Variants in PDE4D observed in about 807,000 individuals in gnomAD.
PDE4D encodes the protein phosphodiesterase 4D.
A neutral mutation model predicts 87.4 loss-of-function variants in PDE4D; 24 were observed. The ratio of observed to expected loss-of-function variants is 0.27; its 90% CI spans 0.20 to 0.39. The LOEUF (loss-of-function observed/expected upper bound fraction) is 0.39, where lower values mean the gene tolerates loss of function less well. Among genes scored for constraint, PDE4D ranks in the 10% least tolerant of loss-of-function variants. The pLI, the probability that PDE4D is intolerant of heterozygous loss-of-function variation, is 1.00. For synonymous variants in PDE4D, 384 were observed against 383.2 expected, an observed-to-expected ratio of 1.00 and a Z score of -0.02; for missense variants, 714 against 1,041.0, an observed-to-expected ratio of 0.69 and a Z score of 4.32.
chr5:59,144,903 G>GGT (rs1778399213), intron 5 of PDE4D, among the ~76,000 whole-genome samples: 2 of 131,008 alleles, frequency 1.5e-5, no homozygotes, highest in Admixed American at 1.6e-4. Flanking sequence ...GGGGGGGGGG[G>GGT]GGAACCATCC....
At chr5:60,023,918 T>C (rs1303610243) in intron 2 of PDE4D, among the ~76,000 whole-genome samples, 2 of 152,170 alleles carry the variant, frequency 1.3e-5, no homozygotes, top group Non-Finnish European at 2.9e-5. Context: ...TTCCCAACCA[T>C]AGGGCTAGTA....
chr5:59,573,103 A>G (rs535329837), intron 1 of PDE4D, among the ~76,000 whole-genome samples: 72 of 152,286 alleles, frequency 4.7e-4, no homozygotes, highest in African/African-American at 1.5e-3. Flanking sequence ...CTTAGTGAGA[A>G]CTTTACATTC....
Position 59,101,971 on chromosome 5 carries a change from G to A in PDE4D, c.809-63000C>T, listed in dbSNP as rs75271806. ...ACCAGGGAATCCTTCCTTCAACTGT[G>A]CCCATCGAGTTGAGCTACACACATA... On this transcript the variant is annotated intron_variant, in intron 5 of 14. Coordinates refer to ENST00000340635, the MANE Select transcript of PDE4D (RefSeq NM_001104631.2). 1.1e-3 allele frequency among the ~76,000 whole-genome samples: 160 copies of A among 151,970 alleles called. 1 individual carries two copies. In the East Asian group the frequency reaches 0.027, roughly 26 times the overall value.
intron 1 of PDE4D, among the ~76,000 whole-genome samples, chr5:59,669,517 G>T (rs955837836): frequency 6.6e-6 from 1 of 152,118 alleles, no homozygotes; most frequent in Non-Finnish European, 1.5e-5. Flanking sequence ...GACTCATGCT[G>T]AAGTTAACTA....
intron 1 of PDE4D, among the ~76,000 whole-genome samples, chr5:60,375,282 C>T (rs1761346187): frequency 6.6e-6 from 1 of 152,198 alleles, no homozygotes; most frequent in African/African-American, 2.4e-5. Context: ...CAGCCCTGTG[C>T]TTCTGCATAG....
chr5:59,857,251 C>G (rs1745578233), intron 1 of PDE4D, among the ~76,000 whole-genome samples: 1 of 152,074 alleles, frequency 6.6e-6, no homozygotes, highest in Non-Finnish European at 1.5e-5. Context: ...GCAGGGGATA[C>G]CTGTAACTTG....
At chr5:59,308,011 C>T (rs181894763) in intron 1 of PDE4D, among the ~76,000 whole-genome samples, 3,319 of 152,166 alleles carry the variant, frequency 0.022, 120 homozygotes, top group African/African-American at 0.075. Flanking sequence ...CACATATACA[C>T]CATGGAAAGC....
At chr5:59,737,328 C>T (rs1385216913) in intron 1 of PDE4D, among the ~76,000 whole-genome samples, 6 of 151,980 alleles carry the variant, frequency 3.9e-5, no homozygotes, top group South Asian at 2.1e-4. Flanking sequence ...AAATGCCTTT[C>T]GGTATGTATT....
At chr5:59,787,489 A>G (rs1765305870) in intron 1 of PDE4D, among the ~76,000 whole-genome samples, 3 of 152,136 alleles carry the variant, frequency 2.0e-5, no homozygotes, top group African/African-American at 7.2e-5. Context: ...TATCACCCAT[A>G]CACATGGGTA....
At chr5:59,409,402 G>C (rs1180239922) in intron 1 of PDE4D, among the ~76,000 whole-genome samples, 1 of 152,138 alleles carries the variant, frequency 6.6e-6, no homozygotes, top group Non-Finnish European at 1.5e-5. Flanking sequence ...GCCAAGGGCG[G>C]AATGATACAG....
At chr5:59,200,186 TATAC>T (rs1746753693) in intron 2 of PDE4D, among the ~76,000 whole-genome samples, 1 of 138,818 alleles carries the variant, frequency 7.2e-6, no homozygotes, top group African/African-American at 2.5e-5. Context: ...TGTATATATG[TATAC>T]ATACACGTGT....
chr5:59,086,670 C>A (rs1767747921), intron 5 of PDE4D, among the ~76,000 whole-genome samples: 2 of 152,124 alleles, frequency 1.3e-5, no homozygotes, highest in South Asian at 4.1e-4. Context: ...ATTTCCAATA[C>A]TGGCATTTAC....
At chr5:59,929,175 C>A (rs916039386) in intron 3 of PDE4D, among the ~76,000 whole-genome samples, 15 of 151,846 alleles carry the variant, frequency 9.9e-5, no homozygotes, top group Non-Finnish European at 2.1e-4. Context: ...GATGAATTTC[C>A]TTTTATAACT....
chr5:59,203,357 G>A (rs13173038), intron 2 of PDE4D, among the ~76,000 whole-genome samples: 30,422 of 151,796 alleles, frequency 0.2, 3,119 homozygotes, highest in South Asian at 0.22. Context: ...TGAAGACATG[G>A]AGAAAAGGAA....
chr5:60,464,904 C>A (rs1747224319), intron 1 of PDE4D, among the ~76,000 whole-genome samples: 1 of 152,106 alleles, frequency 6.6e-6, no homozygotes, highest in South Asian at 2.1e-4. Flanking sequence ...GATTTCAATA[C>A]CAGCCTAGAC....
intron 1 of PDE4D, among the ~76,000 whole-genome samples, chr5:59,689,625 G>C (rs555674327): frequency 1.3e-5 from 2 of 152,250 alleles, no homozygotes; most frequent in African/African-American, 4.8e-5. Context: ...TACTGAATGG[G>C]CAAAAGCTAG....
intron 5 of PDE4D, among the ~76,000 whole-genome samples, chr5:59,142,701 C>A (rs62356727): frequency 0.064 from 9,805 of 152,270 alleles, 383 homozygotes; most frequent in Middle Eastern, 0.12. Context: ...CTTTGGGAGG[C>A]CCAGGCGGGC....
intron 6 of PDE4D, among the ~76,000 whole-genome samples, chr5:59,031,949 G>C (rs915153558): frequency 6.6e-6 from 1 of 151,950 alleles, no homozygotes. Context: ...AGGAGGGAGA[G>C]AGAAATGGAA....
intron 1 of PDE4D, among the ~76,000 whole-genome samples, chr5:59,345,412 A>G (rs570320769): frequency 7.2e-5 from 11 of 152,326 alleles, no homozygotes; most frequent in African/African-American, 2.6e-4. Context: ...GGTTTGAAAA[A>G]TGAATCTGGA....
Sources: gnomAD v4.1 joint callset for allele counts (sites outside exome capture counted in the v4.1 genomes callset) on GRCh38, gnomAD v4.1.1 for gene constraint, MANE v1.5 for transcripts, NCBI Gene and HGNC (gene_info 2026-07-23, HGNC 2026-07-21) for gene names.